RAB3IP: variants seen among roughly 807,000 people sequenced by gnomAD.
RAB3IP encodes the protein rab-3A-interacting protein.
In RAB3IP, 36 loss-of-function variants were observed where a neutral mutation model predicts 59.1. That is an observed-to-expected ratio of 0.61 (90% confidence interval 0.47 to 0.80). The LOEUF (loss-of-function observed/expected upper bound fraction) is 0.80. Ranked by LOEUF, RAB3IP falls within the 30% of genes least tolerant of loss-of-function variation. The probability of loss-of-function intolerance (pLI) is 0.00; values close to 1 mark genes in which losing one functional copy is unlikely to be tolerated. For synonymous variants in RAB3IP, 207 were observed against 191.2 expected (o/e 1.08, Z -0.68); for missense variants, 511 against 536.0 (o/e 0.95, Z 0.46).
chr12:69,743,888 G>T (rs767251870), intron 1 of RAB3IP, among the ~76,000 whole-genome samples: 1 of 148,604 alleles, frequency 6.7e-6, no homozygotes, highest in Non-Finnish European at 1.5e-5. Context: ...TAGTCAGTGC[G>T]TATTTCAGCA....
Position 69,784,783 on chromosome 12 carries a change from GA to G in RAB3IP, c.576del (p.Glu192AspfsTer17). On this transcript the variant is annotated frameshift_variant, in exon 4 of 11. Coordinates refer to ENST00000247833, the MANE Select transcript of RAB3IP (RefSeq NM_022456.5). LOFTEE classifies it high-confidence loss of function. ...LSKVRDQLGQ[E>X]LEELTASLFE... ...AAAAGTGCGAGATCAACTTGGACAG[GA>G]ATTGGAAGAACTCACAGCTAGTCTA... 2 of 1,610,402 alleles carry G rather than the reference GA, an allele frequency of 1.2e-6. No homozygotes were observed. The highest frequency in any genetic ancestry group is 1.7e-6 in the Non-Finnish European group (2 of 1,177,666).
At chr12:69,780,748 A>G (rs984777538) in intron 3 of RAB3IP, among the ~76,000 whole-genome samples, 16 of 152,134 alleles carry the variant, frequency 1.1e-4, no homozygotes, top group African/African-American at 3.6e-4. Flanking sequence ...GCCAAGACCA[A>G]TGTCAGTGGG....
Position 69,805,614 on chromosome 12 carries a change from T to G in RAB3IP, c.1130+3893T>G, listed in dbSNP as rs551047150. On this transcript the variant is annotated intron_variant, in intron 8 of 10. Transcript: ENST00000247833. ...ATGCTTCCAGTTTTTGTCCATTCAG[T>G]ATGATATTGGCTGTGGGTTTGTCAT... 4.2e-3 allele frequency among the ~76,000 whole-genome samples: 634 copies of G among 151,456 alleles called. 7 individuals carry two copies. Among genetic ancestry groups the G allele is most frequent in the African/African-American group, 0.014 (598 of 41,368 alleles).
intron 8 of RAB3IP, among the ~76,000 whole-genome samples, chr12:69,810,604 ACAAAT>A (rs960166766): frequency 7.1e-4 from 108 of 152,222 alleles, no homozygotes; most frequent in Non-Finnish European, 5.4e-4. Flanking sequence ...AGGCCTAGAA[ACAAAT>A]CAAAGTGCGT....
intron 7 of RAB3IP, among the ~76,000 whole-genome samples, chr12:69,801,235 G>A (rs1287715408): frequency 6.6e-6 from 1 of 152,040 alleles, no homozygotes; most frequent in Non-Finnish European, 1.5e-5. Context: ...ATATTGCTGT[G>A]GTATAAATGA....
intron 1 of RAB3IP, among the ~76,000 whole-genome samples, chr12:69,747,745 C>T (rs1868558720): frequency 6.6e-6 from 1 of 152,190 alleles, no homozygotes; most frequent in South Asian, 2.1e-4. Flanking sequence ...ACCCTGTTGG[C>T]TTTTCTTCTA....
chr12:69,785,809 A>G (rs1592553469), intron 4 of RAB3IP, among the ~76,000 whole-genome samples: 1 of 152,236 alleles, frequency 6.6e-6, no homozygotes, highest in South Asian at 2.1e-4. Context: ...CCATTATAAT[A>G]GGCTTTGCTC....
At chr12:69,784,670 T>C (rs764704286) in intron 3 of RAB3IP, 50 bp from the exon 4 acceptor site, 4 of 1,050,580 alleles carry the variant, frequency 3.8e-6, no homozygotes, top group Non-Finnish European at 4.3e-6. Flanking sequence ...GTCTGCTGAA[T>C]CTAACTTCAA....
intron 3 of RAB3IP, among the ~76,000 whole-genome samples, chr12:69,782,031 A>G (rs1185090056): frequency 1.3e-5 from 2 of 152,208 alleles, no homozygotes; most frequent in South Asian, 2.1e-4. Flanking sequence ...TCTCTTTAGC[A>G]TTTGATATTA....
At chr12:69,787,793 G>C (rs368880866) in intron 4 of RAB3IP, among the ~76,000 whole-genome samples, 1 of 95,718 alleles carries the variant, frequency 1.0e-5, no homozygotes, top group Non-Finnish European at 2.7e-5. Context: ...CCTCCATTAT[G>C]ATGAAGATAA....
intron 8 of RAB3IP, among the ~76,000 whole-genome samples, chr12:69,807,159 C>T (rs571206711): frequency 1.9e-3 from 289 of 151,310 alleles, no homozygotes; most frequent in Middle Eastern, 7.0e-3. Flanking sequence ...ACTTCCCAGA[C>T]GGGGTGGCCG....
intron 3 of RAB3IP, among the ~76,000 whole-genome samples, chr12:69,782,943 T>A (rs1874995564): frequency 6.6e-6 from 1 of 152,230 alleles, no homozygotes; most frequent in Admixed American, 6.5e-5. Flanking sequence ...TTTGGCTGGC[T>A]ATAAAATACT....
At chr12:69,752,567 G>A (rs1869510670) in intron 1 of RAB3IP, among the ~76,000 whole-genome samples, 1 of 152,098 alleles carries the variant, frequency 6.6e-6, no homozygotes, top group African/African-American at 2.4e-5. Flanking sequence ...TAAAGCCCCA[G>A]GAGTGGCATG....
intron 8 of RAB3IP, among the ~76,000 whole-genome samples, chr12:69,807,890 C>T (rs1265292970): frequency 5.9e-5 from 9 of 151,432 alleles, no homozygotes; most frequent in African/African-American, 1.7e-4. Flanking sequence ...GGAGACGCTC[C>T]TCACCTCCCA....
chr12:69,763,639 G>T lies in RAB3IP; in HGVS notation c.510+6976G>T, dbSNP rs140122821. ...TCTTCAACTTTTATTTTAAATTTAG[G>T]GGGTATATGTGCAGGTATATTACCT... On this transcript the variant is annotated intron_variant, in intron 3 of 10. Coordinates refer to ENST00000247833, the MANE Select transcript of RAB3IP (RefSeq NM_022456.5). Among the ~76,000 whole-genome samples the T allele has an allele frequency of 9.2e-5, 14 of 151,998 alleles. No individual in the cohort carries two copies. In the East Asian group the frequency reaches 2.7e-3, roughly 29 times the overall value.
At chr12:69,773,053 G>C (rs1873409330) in intron 3 of RAB3IP, among the ~76,000 whole-genome samples, 1 of 152,050 alleles carries the variant, frequency 6.6e-6, no homozygotes, top group African/African-American at 2.4e-5. Context: ...AGATGGCTTT[G>C]CTGGGTACAG....
At chr12:69,786,335 A>G (rs2098922607) in intron 4 of RAB3IP, among the ~76,000 whole-genome samples, 1 of 152,170 alleles carries the variant, frequency 6.6e-6, no homozygotes, top group African/African-American at 2.4e-5. Flanking sequence ...TCTCTGCTCC[A>G]TACCCCTTTG....
At chr12:69,780,268 C>G (rs544892994) in intron 3 of RAB3IP, among the ~76,000 whole-genome samples, 25 of 152,184 alleles carry the variant, frequency 1.6e-4, no homozygotes, top group Non-Finnish European at 3.5e-4. Context: ...GGAACTGGAG[C>G]TGAGACTGGG....
intron 1 of RAB3IP, among the ~76,000 whole-genome samples, chr12:69,747,032 A>T (rs1868418538): frequency 6.6e-6 from 1 of 152,188 alleles, no homozygotes; most frequent in Non-Finnish European, 1.5e-5. Context: ...GGATTTATAG[A>T]TGTTTACTTT....
Sources: gnomAD v4.1 joint callset for allele counts (sites outside exome capture counted in the v4.1 genomes callset) on GRCh38, gnomAD v4.1.1 for gene constraint, MANE v1.5 for transcripts, NCBI Gene and HGNC (gene_info 2026-07-23, HGNC 2026-07-21) for gene names.